The following BANP variants were observed in gnomAD, a reference collection of about 807,000 sequenced individuals.
BANP encodes BTG3 associated nuclear protein, also known as protein BANP.
In BANP, 11 loss-of-function variants were observed where a neutral mutation model predicts 68.1. The observed-to-expected ratio is 0.16, with a 90% CI of 0.10 to 0.27. BANP has a LOEUF of 0.27. BANP is among the 10% of genes least tolerant of loss of function. The pLI is 1.00. For synonymous variants in BANP, 329 were observed against 303.2 expected (o/e 1.09, Z -0.88); for missense variants, 504 against 722.7 (o/e 0.70, Z 3.47).
Position 88,039,570 on chromosome 16 carries a change from C to T in BANP, c.1311+1559C>T, listed in dbSNP as rs536187080. Among the ~76,000 whole-genome samples, 2 of 142,546 alleles carry T rather than the reference C, an allele frequency of 1.4e-5. 1 individual carries two copies. Among genetic ancestry groups the T allele is most frequent in the South Asian group, 4.8e-4 (2 of 4,174 alleles). The allele number at this position is 142,546 out of a possible 152,430, so 93.5% of individuals were successfully genotyped here. A position where few individuals can be genotyped will look rare whatever the true frequency, so the allele number is the denominator to read the frequency against. On this transcript the variant is annotated intron_variant, in intron 11 of 13. Coordinates refer to ENST00000682872, the MANE Select transcript of BANP (RefSeq NM_001386991.1). Reference sequence around the variant, plus strand: ...CCTGTCTCTACCCCTGAACAAAATCCACTTGGAATTTTAAAGACAGAACCA... The same window carrying T: ...CCTGTCTCTACCCCTGAACAAAATCTACTTGGAATTTTAAAGACAGAACCA...
intron 11 of BANP, among the ~76,000 whole-genome samples, chr16:88,038,902 C>T (rs541355898): frequency 1.3e-3 from 194 of 152,290 alleles, no homozygotes; most frequent in African/African-American, 4.1e-3. Context: ...GAGCTCACTG[C>T]GTAGAAAGAT....
chr16:88,037,666 T>C (rs1353812336), intron 10 of BANP: 2 of 395,808 alleles, frequency 5.1e-6, no homozygotes, highest in South Asian at 2.4e-5. Context: ...TTCTGTACTT[T>C]TTGTGAGTCA....
At chr16:87,998,289 G>C (rs1269851494) in intron 4 of BANP, among the ~76,000 whole-genome samples, 1 of 152,218 alleles carries the variant, frequency 6.6e-6, no homozygotes, top group African/African-American at 2.4e-5. Flanking sequence ...TGAGGGTTGT[G>C]GGGGCAGTGA....
At chr16:88,059,009 A>G (rs74040295) in intron 11 of BANP, among the ~76,000 whole-genome samples, 13,837 of 149,744 alleles carry the variant, frequency 0.092, 1,321 homozygotes, top group African/African-American at 0.23. Flanking sequence ...CCTCACGCCC[A>G]GTGTGTATCA....
chr16:88,075,560 C>CCCGTGGGCTCGG (rs1224067727), intron 13 of BANP, among the ~76,000 whole-genome samples: 6 of 152,098 alleles, frequency 3.9e-5, no homozygotes, highest in African/African-American at 9.7e-5. Context: ...GCCTCTTCCT[C>CCCGTGGGCTCGG]CCGTGGGCTC....
rs919245783 is a variant in BANP at position 88,002,938 on chromosome 16, G to T, written c.363-1357G>T. Among the ~76,000 whole-genome samples, 4 of 152,056 alleles carry T rather than the reference G, an allele frequency of 2.6e-5. No homozygotes were observed. The highest frequency in any genetic ancestry group is 9.7e-5 in the African/African-American group (4 of 41,424). On this transcript the variant is annotated intron_variant, in intron 4 of 13. Transcript: ENST00000682872. The surrounding 1 kb of genome is among the most constrained non-coding windows in gnomAD (Gnocchi z 4.6). The stretch of plus-strand genomic sequence containing the variant: ...CATGCTGTGAGCCTAGGATCCCGGG[G>T]ACACCAGCCTTCCCACATGCTGTGA...
chr16:87,975,027 T>C, intron 1 of BANP, 21 bp from the exon 2 acceptor site: 1 of 1,112,802 alleles, frequency 9.0e-7, no homozygotes, highest in Non-Finnish European at 1.4e-6. Flanking sequence ...CCTCTCCTCC[T>C]CCTTTGCTTC....
At chr16:88,030,630 A>G (rs1480990322) in intron 8 of BANP, among the ~76,000 whole-genome samples, 1 of 152,236 alleles carries the variant, frequency 6.6e-6, no homozygotes, top group Non-Finnish European at 1.5e-5. Flanking sequence ...ATGAGCTGAA[A>G]TGTCACAGCT....
Position 88,064,211 on chromosome 16 carries a change from G to A in BANP, c.1312-1056G>A, listed in dbSNP as rs554472755. ...GCTTGAGAGGCGCAGGGGAGCAGGGGGGGAGAGTGGACAGCGAGGCGGTGG... is the reference window on the plus strand; with the variant it reads ...GCTTGAGAGGCGCAGGGGAGCAGGGAGGGAGAGTGGACAGCGAGGCGGTGG... On this transcript the variant is annotated intron_variant, in intron 11 of 13. Transcript: ENST00000682872. This position sits in a 1 kb window ranked among gnomAD's most constrained non-coding sequence, Gnocchi z 4.5. 8.5e-5 allele frequency among the ~76,000 whole-genome samples: 13 copies of A among 152,094 alleles called. No individual in the cohort carries two copies. Among genetic ancestry groups the A allele is most frequent in the South Asian group, 4.2e-4 (2 of 4,804 alleles).
At chr16:87,998,196 G>A (rs147683471) in intron 4 of BANP, among the ~76,000 whole-genome samples, 3 of 152,282 alleles carry the variant, frequency 2.0e-5, no homozygotes, top group African/African-American at 7.2e-5. Context: ...ATCATTGGAC[G>A]AACAGAAGGA....
intron 9 of BANP, among the ~76,000 whole-genome samples, 160 bp downstream of exon 9, chr16:88,033,405 A>G (rs1471329646): frequency 6.6e-6 from 1 of 152,152 alleles, no homozygotes; most frequent in East Asian, 1.9e-4. Context: ...CATCGTGGCC[A>G]TGAGCTCTTA....
chr16:88,006,927 G>A (rs2071354775), intron 6 of BANP, among the ~76,000 whole-genome samples: 2 of 140,244 alleles, frequency 1.4e-5, no homozygotes, highest in Admixed American at 1.5e-4. Context: ...ACTCTAGCCT[G>A]GGCGTCAGAG....
intron 11 of BANP, among the ~76,000 whole-genome samples, chr16:88,051,040 G>A (rs2083142520): frequency 6.6e-6 from 1 of 152,192 alleles, no homozygotes; most frequent in Non-Finnish European, 1.5e-5. Flanking sequence ...GAACCCCGTA[G>A]AATGCTAACC....
At chr16:87,997,319 G>C (rs910309346) in intron 4 of BANP, among the ~76,000 whole-genome samples, 12 of 152,224 alleles carry the variant, frequency 7.9e-5, no homozygotes, top group African/African-American at 2.9e-4. Flanking sequence ...ACACTGAAAG[G>C]GTGAGTTGTA....
rs534574445 is a variant in BANP at position 88,069,989 on chromosome 16, G to A, written c.1378-2080G>A. On this transcript the variant is annotated intron_variant, in intron 12 of 13. Transcript: ENST00000682872. Reference sequence around the variant, plus strand: ...CCCCAGCCCCAGTCAGCATGCGGACGGTGAGGACGAAGGCCAGGATGACGA... The same window carrying A: ...CCCCAGCCCCAGTCAGCATGCGGACAGTGAGGACGAAGGCCAGGATGACGA... 1.4e-4 allele frequency among the ~76,000 whole-genome samples: 21 copies of A among 152,206 alleles called. No homozygotes were observed. The South Asian group carries it at 3.1e-3, about 23-fold the overall frequency.
At position 87,956,410 on chromosome 16, in the gene BANP, G is replaced by A. The variant is rs192452748; in HGVS notation, c.-69+4895G>A. Among the ~76,000 whole-genome samples the A allele has an allele frequency of 1.7e-3, 255 of 152,338 alleles. 2 individuals are homozygous for A. Among genetic ancestry groups the A allele is most frequent in the African/African-American group, 6.0e-3 (248 of 41,572 alleles). On this transcript the variant is annotated intron_variant, in intron 1 of 13. Transcript: ENST00000682872. Reference sequence around the variant, plus strand: ...CTTCACACGGGTGACGGTGGTGAAAGCATGACATCATCTGACTTGGTCAGC... The same window carrying A: ...CTTCACACGGGTGACGGTGGTGAAAACATGACATCATCTGACTTGGTCAGC...
Position 88,071,539 on chromosome 16 carries a change from C to G in BANP, c.1378-530C>G, listed in dbSNP as rs1215918989. 2 of 456,658 alleles carry G rather than the reference C, an allele frequency of 4.4e-6. No homozygotes were observed. Among genetic ancestry groups the G allele is most frequent in the East Asian group, 1.4e-4 (2 of 14,396 alleles). 28.3% of individuals were successfully genotyped at this position (456,658 alleles called of 1,614,324 possible). A position where few individuals can be genotyped will look rare whatever the true frequency, so the allele number is the denominator to read the frequency against. ...CCATCTTGGAACTGGGCCTCACTTT[C>G]CTGCGAGCTTCTGCTGGGTTCTCAG... On this transcript the variant is annotated intron_variant, in intron 12 of 13. Transcript: ENST00000682872. This position sits in a 1 kb window ranked among gnomAD's most constrained non-coding sequence, Gnocchi z 6.5.
chr16:88,073,888 T>C (rs777405477), intron 13 of BANP, among the ~76,000 whole-genome samples: 5 of 152,374 alleles, frequency 3.3e-5, no homozygotes, highest in Admixed American at 2.0e-4. Context: ...CATGCCCTCC[T>C]GGCAGGCCCC....
chr16:88,013,382 C>G (rs1241698710), intron 6 of BANP, among the ~76,000 whole-genome samples: 1 of 152,162 alleles, frequency 6.6e-6, no homozygotes, highest in Non-Finnish European at 1.5e-5. Flanking sequence ...CGTGGGCCTG[C>G]CCCATGCCTA....
Sources: allele counts gnomAD v4.1 joint callset (sites outside exome capture counted in the v4.1 genomes callset), GRCh38; gene constraint gnomAD v4.1.1; non-coding constraint Gnocchi (gnomAD v3.1); transcripts MANE v1.5; gene names NCBI Gene and HGNC (gene_info 2026-07-23, HGNC 2026-07-21).